ERCC8: variants seen among roughly 807,000 people sequenced by gnomAD.
ERCC8 encodes the protein DNA excision repair protein ERCC-8.
ERCC8 carries 52 observed loss-of-function variants against 54.9 expected under a neutral mutation model. That is an observed-to-expected ratio of 0.95 (90% CI 0.76 to 1.19). The LOEUF (loss-of-function observed/expected upper bound fraction) is 1.19. ERCC8 is among the 50% of genes most tolerant of loss of function. The probability of loss-of-function intolerance (pLI) is 0.00; values close to 1 mark genes in which losing one functional copy is unlikely to be tolerated. For missense variants in ERCC8, 514 were observed against 466.1 expected, an observed-to-expected ratio of 1.10 and a Z score of -0.95; for synonymous variants, 146 against 157.2, an observed-to-expected ratio of 0.93 and a Z score of 0.53.
intron 4 of ERCC8, among the ~76,000 whole-genome samples, chr5:60,906,676 C>G (rs931078165): frequency 1.1e-4 from 16 of 151,894 alleles, no homozygotes; most frequent in Non-Finnish European, 1.8e-4. Context: ...TTGCAGTGAG[C>G]TAAGATCACG....
At chr5:60,938,078 TA>T (rs1561519089) in intron 1 of ERCC8, among the ~76,000 whole-genome samples, 9 of 26,456 alleles carry the variant, frequency 3.4e-4, no homozygotes, top group African/African-American at 8.1e-4. Flanking sequence ...TATATATATA[TA>T]TATATATTTT....
At chr5:60,898,853 A>C (rs1482294711) in intron 8 of ERCC8, among the ~76,000 whole-genome samples, 1 of 151,470 alleles carries the variant, frequency 6.6e-6, no homozygotes, top group African/African-American at 2.4e-5. Flanking sequence ...TCACTTACAA[A>C]ATTAACAAGT....
At chr5:60,891,945 G>A in intron 9 of ERCC8, 1 of 523,010 alleles carries the variant, frequency 1.9e-6, no homozygotes, top group Non-Finnish European at 3.9e-6. Flanking sequence ...TACCAACACT[G>A]CCATCAGCAT....
intron 2 of ERCC8, among the ~76,000 whole-genome samples, chr5:60,927,652 A>G (rs1017715231): frequency 1.6e-4 from 25 of 152,198 alleles, no homozygotes; most frequent in African/African-American, 5.8e-4. Context: ...GGCTGGAGTA[A>G]CAGTATTGAT....
intron 8 of ERCC8, 29 bp downstream of exon 8, chr5:60,899,598 G>T: frequency 6.8e-7 from 1 of 1,469,018 alleles, no homozygotes; most frequent in Non-Finnish European, 9.5e-7. Context: ...TACTATCATT[G>T]TCATATTTAT....
rs181865127 is a variant in ERCC8 at position 60,938,678 on chromosome 5, G to A, written c.77+6254C>T. On this transcript the variant is annotated intron_variant, in intron 1 of 11. Coordinates refer to ENST00000676185, the MANE Select transcript of ERCC8 (RefSeq NM_000082.4). ...TGAATTTGTTAAAGTTTGCTTAGTG[G>A]CCAAGAACAATTTTGGTAAATGTAC... is the stretch of plus-strand genomic sequence containing the variant. Among the ~76,000 whole-genome samples, 26 of 152,260 alleles carry A rather than the reference G, an allele frequency of 1.7e-4. No individual in the cohort carries two copies. The East Asian group carries it at 5.0e-3, about 29-fold the overall frequency.
At chr5:60,879,659 T>A (rs571125640) in intron 11 of ERCC8, among the ~76,000 whole-genome samples, 4 of 152,344 alleles carry the variant, frequency 2.6e-5, no homozygotes, top group African/African-American at 9.6e-5. Context: ...TGGTTTAAAG[T>A]CTGTTTTATC....
intron 7 of ERCC8, among the ~76,000 whole-genome samples, chr5:60,901,358 T>G (rs189069446): frequency 6.6e-6 from 1 of 152,148 alleles, no homozygotes; most frequent in African/African-American, 2.4e-5. Context: ...ATTTAATGTT[T>G]TAATTTCTGT....
At chr5:60,908,807 T>G (rs1434606823) in intron 4 of ERCC8, among the ~76,000 whole-genome samples, 1 of 151,878 alleles carries the variant, frequency 6.6e-6, no homozygotes, top group African/African-American at 2.4e-5. Flanking sequence ...TAAGAACCAT[T>G]ATGAAAAAAG....
At chr5:60,903,080 GCTAT>G (rs4647103) in intron 6 of ERCC8, among the ~76,000 whole-genome samples, 7,062 of 151,770 alleles carry the variant, frequency 0.047, 542 homozygotes, top group African/African-American at 0.16. Flanking sequence ...GTCAAAAAAT[GCTAT>G]CTATCTCATC....
At chr5:60,882,968 A>G (rs963849067) in intron 11 of ERCC8, among the ~76,000 whole-genome samples, 11 of 129,882 alleles carry the variant, frequency 8.5e-5, no homozygotes, top group African/African-American at 3.9e-4. Flanking sequence ...TAGCCCTGGG[A>G]AAACACACAC....
In ERCC8 at chr5:60,872,362, G is replaced by T. The variant is rs1451602978; in HGVS notation, c.*2253C>A. 6.6e-6 allele frequency among the ~76,000 whole-genome samples: 1 copy of T among 152,124 alleles called. No individual in the cohort carries two copies. The highest frequency in any genetic ancestry group is 1.5e-5 in the Non-Finnish European group (1 of 68,026). Reference sequence around the variant, plus strand: ...CAAAGGAAACAATTAATAGGGTGAAGAGACAACCTACAGAATGGAGAAAAA... The same window carrying T: ...CAAAGGAAACAATTAATAGGGTGAATAGACAACCTACAGAATGGAGAAAAA... On this transcript the variant is annotated 3_prime_UTR_variant, in exon 12 of 12. Transcript: ENST00000676185.
intron 4 of ERCC8, among the ~76,000 whole-genome samples, chr5:60,911,228 C>T (rs1398474828): frequency 2.0e-5 from 3 of 151,084 alleles, no homozygotes; most frequent in Non-Finnish European, 4.4e-5. Context: ...CACATTCTCC[C>T]CCTATTTCTC....
chr5:60,874,541 G>T lies in ERCC8; in HGVS notation c.*74C>A. ...AGGGCTAATTTAGCTGTCAGGAATA[G>T]ACCATACAGTTGAAAAAAACACAGT... On this transcript the variant is annotated 3_prime_UTR_variant, in exon 12 of 12. Coordinates refer to ENST00000676185, the MANE Select transcript of ERCC8 (RefSeq NM_000082.4). 1 of 1,289,042 alleles carries T rather than the reference G, an allele frequency of 7.8e-7. No individual in the cohort carries two copies. The highest frequency in any genetic ancestry group is 1.2e-5 in the South Asian group (1 of 80,356). 79.9% of individuals were successfully genotyped at this position (1,289,042 alleles called of 1,614,324 possible).
At chr5:60,893,450 T>C (rs1748627778) in intron 9 of ERCC8, 1 of 958,008 alleles carries the variant, frequency 1.0e-6, no homozygotes, top group Non-Finnish European at 1.7e-6. Context: ...GGCATGATCA[T>C]TGGAGTGAAC....
chr5:60,938,378 G>A (rs1444471487), intron 1 of ERCC8, among the ~76,000 whole-genome samples: 7 of 130,298 alleles, frequency 5.4e-5, no homozygotes, highest in Admixed American at 2.6e-4. Flanking sequence ...TTTTTGAGAC[G>A]GAGTCTCGCT....
At chr5:60,905,779 C>G (rs924175946) in intron 4 of ERCC8, among the ~76,000 whole-genome samples, 1 of 152,268 alleles carries the variant, frequency 6.6e-6, no homozygotes, top group South Asian at 2.1e-4. Flanking sequence ...GCTGGCCAGG[C>G]CAAGTGCGAG....
intron 3 of ERCC8, chr5:60,918,703 G>T: frequency 2.9e-6 from 1 of 349,832 alleles, no homozygotes; most frequent in Non-Finnish European, 5.5e-6. Flanking sequence ...AGAGTGATTT[G>T]GTCTTACTGG....
At chr5:60,876,489 C>T (rs1748012606) in intron 11 of ERCC8, among the ~76,000 whole-genome samples, 1 of 152,184 alleles carries the variant, frequency 6.6e-6, no homozygotes, top group Non-Finnish European at 1.5e-5. Context: ...AGTTGACAGT[C>T]CCACCAACAG....
Sources: gnomAD v4.1 joint callset for allele counts (sites outside exome capture counted in the v4.1 genomes callset) on GRCh38, gnomAD v4.1.1 for gene constraint, MANE v1.5 for transcripts, NCBI Gene and HGNC (gene_info 2026-07-23, HGNC 2026-07-21) for gene names.